Variants in NLRP11 observed in about 807,000 individuals in gnomAD.
NLRP11 encodes NACHT, LRR and PYD domains-containing protein 11.
In NLRP11, 53 loss-of-function variants were observed where a neutral mutation model predicts 79.3. The ratio of observed to expected loss-of-function variants is 0.67; its 90% CI spans 0.54 to 0.84. NLRP11 has a LOEUF of 0.84. Ranked by LOEUF, NLRP11 falls within the 40% of genes least tolerant of loss-of-function variation. The pLI is 0.00. For synonymous variants in NLRP11, 518 were observed against 462.6 expected, an observed-to-expected ratio of 1.12 and a Z score of -1.54; for missense variants, 1,264 against 1,255.0, an observed-to-expected ratio of 1.01 and a Z score of -0.11.
intron 7 of NLRP11, among the ~76,000 whole-genome samples, chr19:55,790,680 A>G (rs760260494): frequency 1.6e-4 from 24 of 152,208 alleles, no homozygotes; most frequent in Non-Finnish European, 2.4e-4. Flanking sequence ...TTTAGTAGTT[A>G]TAAAAGTTGG....
At chr19:55,802,425 T>C (rs1458491318) in intron 4 of NLRP11, among the ~76,000 whole-genome samples, 3 of 152,118 alleles carry the variant, frequency 2.0e-5, no homozygotes, top group African/African-American at 4.8e-5. Flanking sequence ...TATCCACAAT[T>C]GCTCACAAAG....
At chr19:55,792,273 T>G (rs1978337919) in intron 7 of NLRP11, 28 bp downstream of exon 7, 1 of 1,604,124 alleles carries the variant, frequency 6.2e-7, no homozygotes, top group African/African-American at 1.3e-5. Flanking sequence ...AGAAACACAG[T>G]CATCCAGGAC....
At chr19:55,793,705 C>T (rs533080070) in intron 6 of NLRP11, among the ~76,000 whole-genome samples, 196 of 151,948 alleles carry the variant, frequency 1.3e-3, no homozygotes, top group African/African-American at 4.6e-3. Context: ...TGCTTTTGCA[C>T]AGCTGCAAGC....
intron 7 of NLRP11, among the ~76,000 whole-genome samples, chr19:55,790,639 T>A (rs1990180847): frequency 6.6e-6 from 1 of 152,196 alleles, no homozygotes; most frequent in Non-Finnish European, 1.5e-5. Flanking sequence ...ATAATCATAT[T>A]AAAGCAGATT....
chr19:55,788,985 G>A lies in NLRP11; in HGVS notation c.2685-8C>T, dbSNP rs376761543. The A allele has an allele frequency of 1.9e-5, 30 of 1,613,688 alleles. No individual in the cohort carries two copies. The highest frequency in any genetic ancestry group is 1.6e-4 in the Middle Eastern group (1 of 6,084). On this transcript the variant is annotated splice_region_variant and splice_polypyrimidine_tract_variant and intron_variant, in intron 8 of 9. Transcript: ENST00000589093. ...AACATGCACTCTTCTAGCCTGCAACGAAGATGCACAGGTAAGGTGGGGCCA... is the reference window on the plus strand; with the variant it reads ...AACATGCACTCTTCTAGCCTGCAACAAAGATGCACAGGTAAGGTGGGGCCA...
intron 6 of NLRP11, among the ~76,000 whole-genome samples, chr19:55,793,244 C>T (rs948491472): frequency 6.6e-6 from 1 of 151,980 alleles, no homozygotes; most frequent in African/African-American, 2.4e-5. Flanking sequence ...CAGTGAGCTG[C>T]ACTTTTTTCC....
chr19:55,821,907 T>C (rs1327040452), intron 1 of NLRP11, among the ~76,000 whole-genome samples: 1 of 152,226 alleles, frequency 6.6e-6, no homozygotes, highest in Non-Finnish European at 1.5e-5. Flanking sequence ...TATCCATAAT[T>C]GACACTTAGC....
chr19:55,811,998 C>CAT (rs1491387173), intron 2 of NLRP11, among the ~76,000 whole-genome samples: 2 of 148,470 alleles, frequency 1.3e-5, no homozygotes, highest in Non-Finnish European at 3.0e-5. Context: ...CACACACACA[C>CAT]GTAAGAGAAT....
chr19:55,785,984 C>A, intron 9 of NLRP11, 113 bp from the exon 10 acceptor site: 1 of 1,152,524 alleles, frequency 8.7e-7, no homozygotes, highest in Non-Finnish European at 1.2e-6. Flanking sequence ...GGGAGTATCT[C>A]AAGCCATCTC....
At chr19:55,830,788 C>T (rs1404797744) in intron 1 of NLRP11, among the ~76,000 whole-genome samples, 3 of 124,850 alleles carry the variant, frequency 2.4e-5, no homozygotes, top group Non-Finnish European at 4.8e-5. Context: ...ATGAGGTGAT[C>T]TCCAACACCT....
rs528511374 is a variant in NLRP11, at chr19:55,785,526, C to T, written c.*99G>A. On this transcript the variant is annotated 3_prime_UTR_variant, in exon 10 of 10. Coordinates refer to ENST00000589093, the Ensembl canonical transcript of NLRP11. ...ACACACACACACACACACACACACA[C>T]ACACACACACACATCAAATAGGAAA... The T allele has an allele frequency of 9.2e-5, 99 of 1,076,318 alleles. No homozygotes were observed. In the African/African-American group the frequency reaches 1.5e-3, roughly 16 times the overall value. 66.7% of individuals were successfully genotyped at this position (1,076,318 alleles called of 1,614,324 possible). A position where few individuals can be genotyped will look rare whatever the true frequency, so the allele number is the denominator to read the frequency against.
At chr19:55,822,934 C>A (rs941121834) in intron 1 of NLRP11, among the ~76,000 whole-genome samples, 42 of 152,328 alleles carry the variant, frequency 2.8e-4, no homozygotes, top group Non-Finnish European at 3.2e-4. Context: ...GCCTGCCTGC[C>A]TCTATAGGCT....
chr19:55,829,573 A>C (rs1271440114), intron 1 of NLRP11, among the ~76,000 whole-genome samples: 2 of 148,624 alleles, frequency 1.3e-5, no homozygotes, highest in African/African-American at 5.0e-5. Context: ...AGGCTGAGGC[A>C]GGAGAATCGC....
At chr19:55,819,140 C>G (rs867609905) in intron 1 of NLRP11, among the ~76,000 whole-genome samples, 1,662 of 67,640 alleles carry the variant, frequency 0.025, 43 homozygotes, top group African/African-American at 0.11. Context: ...CACACACACA[C>G]ACACACACAC....
intron 1 of NLRP11, among the ~76,000 whole-genome samples, chr19:55,822,075 A>G (rs1274534723): frequency 6.6e-6 from 1 of 152,190 alleles, no homozygotes; most frequent in Admixed American, 6.5e-5. Flanking sequence ...CCGGGCCATC[A>G]TGATGAAACC....
chr19:55,805,553 T>C (rs1648835851), intron 4 of NLRP11, among the ~76,000 whole-genome samples: 1 of 150,988 alleles, frequency 6.6e-6, no homozygotes, highest in South Asian at 2.1e-4. Flanking sequence ...TTTTTTTAAA[T>C]ACACACAATG....
intron 1 of NLRP11, 148 bp from the exon 2 acceptor site, chr19:55,818,384 A>C: frequency 1.8e-6 from 1 of 552,896 alleles, no homozygotes; most frequent in East Asian, 3.0e-5. Flanking sequence ...TGTCTGGGTC[A>C]ATGGCCTTGT....
At chr19:55,832,544 G>T (rs7257612), upstream of NLRP11, among the ~76,000 whole-genome samples, 19,705 of 152,174 alleles carry the variant, frequency 0.13, 1,614 homozygotes, top group African/African-American at 0.23. Context: ...CTCTAGTGAA[G>T]ACTGATAGCT....
chr19:55,808,996 C>T, exon 3 of NLRP11: 2 of 1,614,146 alleles, frequency 1.2e-6, no homozygotes, highest in Non-Finnish European at 1.7e-6. Flanking sequence ...GGTGCGTCAA[C>T]TTTTCCGGGT....
Sources: allele counts gnomAD v4.1 joint callset (sites outside exome capture counted in the v4.1 genomes callset), GRCh38; gene constraint gnomAD v4.1.1; transcripts MANE v1.5; gene names NCBI Gene and HGNC (gene_info 2026-07-23, HGNC 2026-07-21).